Variants in KIF26B observed in about 807,000 individuals in gnomAD.
KIF26B encodes the protein kinesin-like protein KIF26B.
A neutral mutation model predicts 151.2 loss-of-function variants in KIF26B; 63 were observed. The ratio of observed to expected loss-of-function variants is 0.42; its 90% CI spans 0.34 to 0.51. The LOEUF (loss-of-function observed/expected upper bound fraction) is 0.51, where lower values mean the gene tolerates loss of function less well. KIF26B is among the 20% of genes least tolerant of loss of function. The pLI, the probability that KIF26B is intolerant of heterozygous loss-of-function variation, is 0.07. For missense variants in KIF26B, 2,813 were observed against 2,913.6 expected (o/e 0.97, Z 0.79); for synonymous variants, 1,357 against 1,262.1 (o/e 1.08, Z -1.59).
intron 2 of KIF26B, among the ~76,000 whole-genome samples, chr1:245,325,630 G>A (rs1671975179): frequency 6.6e-6 from 1 of 152,004 alleles, no homozygotes; most frequent in African/African-American, 2.4e-5. Context: ...AGAATCGCTT[G>A]AACCCAGGAG....
At chr1:245,693,839 A>T (rs1377897589) in intron 12 of KIF26B, among the ~76,000 whole-genome samples, 1 of 152,256 alleles carries the variant, frequency 6.6e-6, no homozygotes, top group Non-Finnish European at 1.5e-5. Context: ...AATGAAAACC[A>T]GAGGAAGGCA....
intron 2 of KIF26B, among the ~76,000 whole-genome samples, chr1:245,197,183 G>A (rs1483585386): frequency 6.6e-6 from 1 of 152,172 alleles, no homozygotes; most frequent in Non-Finnish European, 1.5e-5. Flanking sequence ...GATGTTGCAG[G>A]CCTGAGAAGT....
At chr1:245,196,118 C>A (rs187328456) in intron 2 of KIF26B, among the ~76,000 whole-genome samples, 2 of 152,224 alleles carry the variant, frequency 1.3e-5, no homozygotes, top group East Asian at 3.9e-4. Context: ...GGTGACAGAT[C>A]CAAGGACACA....
At chr1:245,556,361 C>CCCTCCTCCTCCTCCTT in intron 5 of KIF26B, among the ~76,000 whole-genome samples, 1 of 103,680 alleles carries the variant, frequency 9.6e-6, no homozygotes, top group African/African-American at 4.1e-5. Context: ...TCCTCCTCCT[C>CCCTCCTCCTCCTCCTT]CTTCTTCTTC....
intron 9 of KIF26B, among the ~76,000 whole-genome samples, chr1:245,619,332 T>C (rs1333031757): frequency 1.3e-5 from 2 of 152,220 alleles, no homozygotes; most frequent in Non-Finnish European, 2.9e-5. Context: ...AAATGAAATG[T>C]GTGCTGTGGT....
intron 6 of KIF26B, among the ~76,000 whole-genome samples, chr1:245,605,759 G>A (rs1335052357): frequency 6.6e-6 from 1 of 152,032 alleles, no homozygotes; most frequent in Non-Finnish European, 1.5e-5. Flanking sequence ...CACACCAGAT[G>A]GACAGCCCGC....
rs888276769 is a variant in KIF26B at position 245,354,511 on chromosome 1, C to T, written c.466-12323C>T. Among the ~76,000 whole-genome samples, 19 of 152,328 alleles carry T rather than the reference C, an allele frequency of 1.2e-4. 1 individual carries two copies. The highest frequency in any genetic ancestry group is 3.6e-4 in the African/African-American group (15 of 41,578). ...CGTGAACAGCTGGTGACACTGTCAG[C>T]GGCGCCTCTGTCACAAGGAAGGGCA... On this transcript the variant is annotated intron_variant, in intron 2 of 14. Transcript: ENST00000407071.
At chr1:245,699,192 C>T (rs1417202243) in intron 14 of KIF26B, among the ~76,000 whole-genome samples, 155 bp downstream of exon 14, 1 of 152,136 alleles carries the variant, frequency 6.6e-6, no homozygotes, top group Non-Finnish European at 1.5e-5. Context: ...AGCGAGCAGC[C>T]CTACTCCCCT....
intron 4 of KIF26B, among the ~76,000 whole-genome samples, chr1:245,514,057 C>T (rs1473659222): frequency 6.6e-6 from 1 of 152,104 alleles, no homozygotes; most frequent in Admixed American, 6.6e-5. Context: ...AACAATGCAT[C>T]GCGTCCTTGA....
chr1:245,321,037 ATTTTTAT>A (rs1363173934), intron 2 of KIF26B, among the ~76,000 whole-genome samples: 1 of 152,178 alleles, frequency 6.6e-6, no homozygotes, highest in Non-Finnish European at 1.5e-5. Context: ...TCCTGACTTC[ATTTTTAT>A]TGTCACAAAA....
At chr1:245,259,712 G>A (rs562252869) in intron 2 of KIF26B, among the ~76,000 whole-genome samples, 3 of 152,204 alleles carry the variant, frequency 2.0e-5, no homozygotes, top group African/African-American at 7.2e-5. Flanking sequence ...TGGGCAGATC[G>A]CTTGAGCTCA....
chr1:245,573,028 T>A (rs1289505398), intron 5 of KIF26B, among the ~76,000 whole-genome samples: 1 of 152,116 alleles, frequency 6.6e-6, no homozygotes, highest in Non-Finnish European at 1.5e-5. Context: ...AATAAAACCT[T>A]TCTTGTCCAA....
At chr1:245,680,824 C>T (rs1367088441) in intron 10 of KIF26B, among the ~76,000 whole-genome samples, 2 of 152,204 alleles carry the variant, frequency 1.3e-5, no homozygotes, top group East Asian at 3.9e-4. Context: ...CAGATGCACG[C>T]GTTCCCCGCC....
chr1:245,198,597 C>G (rs1464068060), intron 2 of KIF26B, among the ~76,000 whole-genome samples: 3 of 151,796 alleles, frequency 2.0e-5, no homozygotes, highest in African/African-American at 7.3e-5. Flanking sequence ...TGGTGGGGGC[C>G]TGTAATTCCG....
chr1:245,369,195 G>GAGAGAGAGAGACAGACAGAC (rs375330671), intron 3 of KIF26B, among the ~76,000 whole-genome samples: 5 of 129,502 alleles, frequency 3.9e-5, no homozygotes, highest in Non-Finnish European at 8.3e-5. Context: ...GAGAGAGAGA[G>GAGAGAGAGAGACAGACAGAC]AGACAGACAG....
intron 5 of KIF26B, among the ~76,000 whole-genome samples, chr1:245,581,926 G>GAAGGAAGGA (rs2043178204): frequency 7.0e-6 from 1 of 142,274 alleles, no homozygotes; most frequent in South Asian, 2.3e-4. Context: ...AAGAGAGAAA[G>GAAGGAAGGA]AGGAAGGAAG....
intron 2 of KIF26B, among the ~76,000 whole-genome samples, chr1:245,308,572 A>G (rs1179510473): frequency 6.6e-6 from 1 of 152,144 alleles, no homozygotes; most frequent in Admixed American, 6.5e-5. Context: ...ACAAAATACA[A>G]AATAAAAAGA....
At chr1:245,310,508 C>T (rs1052076655) in intron 2 of KIF26B, among the ~76,000 whole-genome samples, 1 of 152,196 alleles carries the variant, frequency 6.6e-6, no homozygotes. Flanking sequence ...TTAGGAAACT[C>T]GTTCAAGGTC....
intron 2 of KIF26B, among the ~76,000 whole-genome samples, chr1:245,246,014 C>T (rs1376523640): frequency 6.6e-6 from 1 of 150,990 alleles, no homozygotes; most frequent in African/African-American, 2.4e-5. Context: ...ATCGCTTGAA[C>T]CTGGGAGGCG....
Sources: gnomAD v4.1 joint callset for allele counts (sites outside exome capture counted in the v4.1 genomes callset) on GRCh38, gnomAD v4.1.1 for gene constraint, MANE v1.5 for transcripts, NCBI Gene and HGNC (gene_info 2026-07-23, HGNC 2026-07-21) for gene names.